RERG: variants seen among roughly 807,000 people sequenced by gnomAD.
RERG encodes ras-related and estrogen-regulated growth inhibitor.
A neutral mutation model predicts 23.2 loss-of-function variants in RERG; 25 were observed. The ratio of observed to expected loss-of-function variants is 1.08; its 90% CI spans 0.79 to 1.50. The LOEUF is 1.50. Ranked by LOEUF, RERG falls within the 40% of genes most tolerant of loss-of-function variation. The pLI is 0.00. For synonymous variants in RERG, 81 were observed against 89.1 expected, an observed-to-expected ratio of 0.91 and a Z score of 0.51; for missense variants, 253 against 250.1, an observed-to-expected ratio of 1.01 and a Z score of -0.08.
intron 1 of RERG, among the ~76,000 whole-genome samples, chr12:15,218,202 A>G (rs182824001): frequency 6.1e-4 from 93 of 152,356 alleles, no homozygotes; most frequent in African/African-American, 2.2e-3. Context: ...GCTGGACACA[A>G]TGCCCTGGTA....
chr12:15,169,014 T>C (rs1182482047), intron 2 of RERG, among the ~76,000 whole-genome samples: 3 of 152,180 alleles, frequency 2.0e-5, no homozygotes, highest in Non-Finnish European at 4.4e-5. Context: ...GTTTTGTTTT[T>C]CTGTTTTAAT....
At chr12:15,192,353 C>T (rs1484197048) in intron 2 of RERG, among the ~76,000 whole-genome samples, 1 of 152,130 alleles carries the variant, frequency 6.6e-6, no homozygotes, top group African/African-American at 2.4e-5. Flanking sequence ...GCCAATTAAA[C>T]CTCTTTATAA....
At chr12:15,208,574 G>A (rs1005748586) in intron 2 of RERG, among the ~76,000 whole-genome samples, 1 of 152,104 alleles carries the variant, frequency 6.6e-6, no homozygotes, top group Non-Finnish European at 1.5e-5. Flanking sequence ...AACAGCTACT[G>A]CTTTGCCTTT....
chr12:15,162,413 T>A (rs983999550), intron 2 of RERG, among the ~76,000 whole-genome samples: 2 of 152,204 alleles, frequency 1.3e-5, no homozygotes, highest in Non-Finnish European at 2.9e-5. Context: ...ATATTAACTA[T>A]ACAGGCTTAA....
Position 15,109,144 on chromosome 12 carries a change from G to A in RERG, c.566C>T (p.Ala189Val), listed in dbSNP as rs767888721. The A allele has an allele frequency of 6.2e-7, 1 of 1,601,400 alleles. No individual in the cohort carries two copies. Among genetic ancestry groups the A allele is most frequent in the Non-Finnish European group, 8.5e-7 (1 of 1,174,602 alleles). The change falls in exon 5 of 5, where the codon GCC (alanine) becomes GTC (valine). Residue 189 changes from alanine (A) to valine (V), a missense_variant. Physicochemically the swap from Ala to Val is moderately conservative, Grantham distance 64. Coordinates refer to ENST00000256953, the MANE Select transcript of RERG (RefSeq NM_032918.3). ...RRSSTTHVKQ[A>V]INKMLTKISS Reference sequence around the variant, plus strand: ...GATTTTGGTGAGCATCTTGTTAATGGCTTGCTTGACATGCGTGGTGGAGCT... The same window carrying A: ...GATTTTGGTGAGCATCTTGTTAATGACTTGCTTGACATGCGTGGTGGAGCT...
rs531960848 is a variant in RERG at position 15,131,080 on chromosome 12, A to G, written c.62-9961T>C. ...ATATTGGAATGCTTAAAAATAATGCAAAATCAAGAAAAATCTTAATTTTCT... is the reference window on the plus strand; with the variant it reads ...ATATTGGAATGCTTAAAAATAATGCGAAATCAAGAAAAATCTTAATTTTCT... On this transcript the variant is annotated intron_variant, in intron 2 of 4. Coordinates refer to ENST00000256953, the MANE Select transcript of RERG (RefSeq NM_032918.3). 9.2e-5 allele frequency among the ~76,000 whole-genome samples: 14 copies of G among 152,246 alleles called. No homozygotes were observed. In the East Asian group the frequency reaches 2.7e-3, roughly 29 times the overall value.
At chr12:15,143,427 A>C (rs1026688765) in intron 2 of RERG, among the ~76,000 whole-genome samples, 136 of 152,236 alleles carry the variant, frequency 8.9e-4, no homozygotes, top group African/African-American at 3.2e-3. Flanking sequence ...ATATGTAATA[A>C]TACATACATA....
chr12:15,154,369 A>G (rs1864490203), intron 2 of RERG: 1 of 152,204 alleles, frequency 6.6e-6, no homozygotes. Context: ...TTGCCAGACC[A>G]AAGCAATTAA....
intron 3 of RERG, among the ~76,000 whole-genome samples, chr12:15,112,837 T>C (rs16910625): frequency 0.018 from 2,769 of 152,288 alleles, 78 homozygotes; most frequent in African/African-American, 0.063. Flanking sequence ...TTGTAATGAC[T>C]GAGAATTTCT....
chr12:15,197,089 T>A (rs908136229), intron 2 of RERG, among the ~76,000 whole-genome samples: 4 of 152,178 alleles, frequency 2.6e-5, no homozygotes, highest in Non-Finnish European at 5.9e-5. Flanking sequence ...AATGACAATC[T>A]GAAGCAGTAT....
intron 2 of RERG, among the ~76,000 whole-genome samples, chr12:15,144,919 G>A (rs553411580): frequency 6.6e-6 from 1 of 152,324 alleles, no homozygotes; most frequent in African/African-American, 2.4e-5. Context: ...AATGACAGAA[G>A]GTTGTGAAAT....
chr12:15,169,905 C>T (rs187205240), intron 2 of RERG, among the ~76,000 whole-genome samples: 10 of 148,416 alleles, frequency 6.7e-5, no homozygotes, highest in East Asian at 2.0e-4. Flanking sequence ...GAAGGACACA[C>T]GTCATCTGCT....
chr12:15,208,236 G>A (rs530688529), intron 2 of RERG, among the ~76,000 whole-genome samples: 77 of 152,142 alleles, frequency 5.1e-4, no homozygotes, highest in Non-Finnish European at 9.3e-4. Flanking sequence ...CAATTGCTTT[G>A]AATGAATGAA....
chr12:15,183,489 C>A (rs1864952797), intron 2 of RERG, among the ~76,000 whole-genome samples: 1 of 151,936 alleles, frequency 6.6e-6, no homozygotes, highest in Non-Finnish European at 1.5e-5. Context: ...GCATTTATCT[C>A]AATTTTTAGT....
intron 2 of RERG, among the ~76,000 whole-genome samples, chr12:15,141,976 G>GA (rs1470648096): frequency 1.3e-5 from 2 of 152,218 alleles, no homozygotes; most frequent in Non-Finnish European, 2.9e-5. Flanking sequence ...TGTAGGTCTA[G>GA]AAGTAGAACT....
intron 3 of RERG, among the ~76,000 whole-genome samples, chr12:15,115,823 T>C (rs903744717): frequency 1.3e-5 from 2 of 152,182 alleles, no homozygotes; most frequent in Non-Finnish European, 2.9e-5. Context: ...AAATACAAAC[T>C]GTAGAATGCA....
chr12:15,127,606 C>G (rs1325752468), intron 2 of RERG, among the ~76,000 whole-genome samples: 3 of 152,090 alleles, frequency 2.0e-5, no homozygotes, highest in Admixed American at 1.3e-4. Flanking sequence ...GGTCAAAAGA[C>G]TTCAGAGAAG....
intron 2 of RERG, among the ~76,000 whole-genome samples, chr12:15,163,718 C>T (rs1864646699): frequency 6.6e-6 from 1 of 152,172 alleles, no homozygotes; most frequent in Non-Finnish European, 1.5e-5. Flanking sequence ...GATGAAACAA[C>T]AGGAGGAAAT....
At chr12:15,199,293 T>C (rs1322759617) in intron 2 of RERG, among the ~76,000 whole-genome samples, 2 of 152,184 alleles carry the variant, frequency 1.3e-5, no homozygotes, top group Non-Finnish European at 1.5e-5. Flanking sequence ...TCATTTCTAT[T>C]GGTTTACACA....
Sources: gnomAD v4.1 joint callset for allele counts (sites outside exome capture counted in the v4.1 genomes callset) on GRCh38, gnomAD v4.1.1 for gene constraint, MANE v1.5 for transcripts, NCBI Gene and HGNC (gene_info 2026-07-23, HGNC 2026-07-21) for gene names.